PTOV1: variants seen among roughly 807,000 people sequenced by gnomAD.
PTOV1 encodes prostate tumor-overexpressed gene 1 protein.
A neutral mutation model predicts 58.0 loss-of-function variants in PTOV1; 20 were observed. The observed-to-expected ratio is 0.34, with a 90% CI of 0.24 to 0.50. The LOEUF is 0.50. PTOV1 is among the 20% of genes least tolerant of loss of function. The pLI is 0.98. For synonymous variants in PTOV1, 335 were observed against 234.2 expected (o/e 1.43, Z -3.93); for missense variants, 593 against 565.4 (o/e 1.05, Z -0.50).
intron 5 of PTOV1, 115 bp downstream of exon 5, chr19:49,855,192 C>A: frequency 1.0e-6 from 1 of 999,158 alleles, no homozygotes; most frequent in Non-Finnish European, 1.5e-6. Flanking sequence ...CGAGGGTAGC[C>A]CTCGTGGCCT....
At chr19:49,855,297 G>A (rs1224305688) in intron 5 of PTOV1, 4 of 576,056 alleles carry the variant, frequency 6.9e-6, no homozygotes, top group African/African-American at 1.9e-5. Flanking sequence ...TTCTGCATCT[G>A]TGCCCAGCTT....
At chr19:49,851,827 G>A (rs2122164212) in intron 1 of PTOV1, 2 of 1,002,248 alleles carry the variant, frequency 2.0e-6, no homozygotes, top group Non-Finnish European at 2.4e-6. Flanking sequence ...TCCTATTGGA[G>A]AGTTGCTCGC....
At chr19:49,853,259 CG>C (rs1296175316) in intron 1 of PTOV1, 1 of 152,166 alleles carries the variant, frequency 6.6e-6, no homozygotes, top group Non-Finnish European at 1.5e-5. Context: ...TGTTTTCCCC[CG>C]CCTGGAGGCG....
Position 49,854,494 on chromosome 19 carries a change from G to A in PTOV1, c.260G>A (p.Arg87Gln), listed in dbSNP as rs370036159. The A allele has an allele frequency of 1.1e-4, 172 of 1,612,880 alleles. No individual in the cohort carries two copies. Among genetic ancestry groups the A allele is most frequent in the Non-Finnish European group, 1.4e-4 (164 of 1,179,972 alleles). Residue 87 changes from arginine to glutamine, a missense_variant, in exon 2 of 12, where the codon CGG (arginine) becomes CAG (glutamine). Physicochemically the swap from Arg to Gln is conservative, Grantham distance 43 (BLOSUM62 1). Transcript: ENST00000391842. ...GGGGGTCTGGCCGTGAGCGAGCACC[G>A]GCTCAGCAACAAGCTGCTGGCTTGG...
At chr19:49,850,879 G>A, upstream of PTOV1, 1 of 1,535,812 alleles carries the variant, frequency 6.5e-7, no homozygotes, top group Non-Finnish European at 8.7e-7. Flanking sequence ...CCAGGGCTCC[G>A]GATGAGGTCT....
chr19:49,860,055 GAGA>G (rs2074682295), exon 11 of PTOV1: 2 of 1,614,220 alleles, frequency 1.2e-6, no homozygotes, highest in Non-Finnish European at 1.7e-6. Context: ...GTACTCTTCA[GAGA>G]AGAAAATCTT....
At chr19:49,854,330 T>G in intron 1 of PTOV1, 76 bp from the exon 2 acceptor site, 1 of 1,537,862 alleles carries the variant, frequency 6.5e-7, no homozygotes. Context: ...GGACGTCCCC[T>G]CTGGGGTGTG....
chr19:49,853,193 G>A (rs574696941), intron 1 of PTOV1: 2 of 152,316 alleles, frequency 1.3e-5, no homozygotes, highest in South Asian at 4.1e-4. Flanking sequence ...GTGCTTCATA[G>A]AAAATTTGGA....
chr19:49,857,908 G>A, exon 8 of PTOV1: 1 of 1,613,796 alleles, frequency 6.2e-7, no homozygotes, highest in Non-Finnish European at 8.5e-7. Flanking sequence ...CAAAAGCCCA[G>A]GCCTGAGCCC....
chr19:49,860,539 C>T (rs1439383654), exon 12 of PTOV1: 6 of 602,296 alleles, frequency 1.0e-5, no homozygotes, highest in Non-Finnish European at 1.7e-5. Flanking sequence ...TGGGGCCAGG[C>T]CTCTGCTCAC....
chr19:49,851,108 C>T (rs2074223029), upstream of PTOV1: 10 of 1,371,030 alleles, frequency 7.3e-6, no homozygotes, highest in Non-Finnish European at 4.7e-6. Flanking sequence ...TACGCTCCGG[C>T]CACGCCCCCT....
exon 1 of PTOV1, chr19:49,851,167 G>C: frequency 8.0e-7 from 1 of 1,243,982 alleles, no homozygotes; most frequent in Non-Finnish European, 1.0e-6. Flanking sequence ...TCAGTGGTTC[G>C]GCCGCGGCGA....
At chr19:49,858,718 G>A (rs755306918) in intron 10 of PTOV1, 65 bp downstream of exon 10, 93 of 1,340,180 alleles carry the variant, frequency 6.9e-5, no homozygotes, top group Non-Finnish European at 8.5e-5. Context: ...GACCGCTCAC[G>A]GGGGCGGACA....
chr19:49,851,652 G>A, intron 1 of PTOV1, 153 bp downstream of exon 1: 11 of 1,111,294 alleles, frequency 9.9e-6, no homozygotes, highest in Non-Finnish European at 1.2e-5. Context: ...CCCCCGTGGA[G>A]CACCCGGTGG....
In PTOV1 at chr19:49,860,319, AG is replaced by A. The variant is rs756044170; in HGVS notation, c.*42del. ...TGGGCCCCTCCAGGAGTCACAGATG[AG>A]GCCCCCGCAGAGACTGGTGAGTGGT... On this transcript the variant is annotated 3_prime_UTR_variant, in exon 12 of 12. Coordinates refer to ENST00000391842, the Ensembl canonical transcript of PTOV1. The A allele has an allele frequency of 1.8e-5, 26 of 1,407,942 alleles. No individual in the cohort carries two copies. The South Asian group carries it at 2.8e-4, about 15-fold the overall frequency. 87.2% of individuals were successfully genotyped at this position (1,407,942 alleles called of 1,614,324 possible).
intron 5 of PTOV1, chr19:49,856,649 A>G (rs1427331227): frequency 1.2e-5 from 4 of 345,598 alleles, no homozygotes; most frequent in Non-Finnish European, 2.2e-5. Context: ...CTGTGCTCTT[A>G]ACCCCCAGGC....
chr19:49,859,936 T>A, intron 10 of PTOV1, 50 bp from the exon 11 acceptor site: 21 of 1,593,228 alleles, frequency 1.3e-5, no homozygotes, highest in Non-Finnish European at 1.6e-5. Flanking sequence ...GTTGGAGGGA[T>A]GCTGGTCCCT....
At chr19:49,858,560 G>A (rs2074586669) in exon 10 of PTOV1, 9 of 1,600,834 alleles carry the variant, frequency 5.6e-6, no homozygotes, top group Non-Finnish European at 8.5e-7. Flanking sequence ...CCACCCTAGT[G>A]CCGCTGTTCC....
Position 49,860,303 on chromosome 19 carries a change from CCAGGAGTCA to C in PTOV1, c.*28_*36del, listed in dbSNP as rs2074696446. 1.9e-6 allele frequency: 3 copies of C among 1,612,026 alleles called. No homozygotes were observed. In the East Asian group the frequency reaches 6.7e-5, roughly 36 times the overall value. ...AGTGGTTACCCCGGGCTGGGCCCCT[CCAGGAGTCA>C]CAGATGAGGCCCCCGCAGAGACTGG... On this transcript the variant is annotated 3_prime_UTR_variant, in exon 12 of 12. Coordinates refer to ENST00000391842, the Ensembl canonical transcript of PTOV1.
Sources: allele counts gnomAD v4.1 joint callset, GRCh38; gene constraint gnomAD v4.1.1; transcripts MANE v1.5; gene names NCBI Gene and HGNC (gene_info 2026-07-23, HGNC 2026-07-21).